The following GTF2E1 variants were observed in gnomAD, a reference collection of about 807,000 sequenced individuals.
GTF2E1 encodes TFIIE alpha subunit.
In GTF2E1, 14 loss-of-function variants were observed where a neutral mutation model predicts 34.9. The ratio of observed to expected loss-of-function variants is 0.40; its 90% CI spans 0.27 to 0.63. GTF2E1 has a LOEUF of 0.63. Ranked by LOEUF, GTF2E1 falls within the 20% of genes least tolerant of loss-of-function variation. The probability of loss-of-function intolerance (pLI) is 0.39; values close to 1 mark genes in which losing one functional copy is unlikely to be tolerated. For synonymous variants in GTF2E1, 188 were observed against 192.9 expected (o/e 0.97, Z 0.21); for missense variants, 469 against 557.7 (o/e 0.84, Z 1.60).
At chr3:120,770,131 A>T (rs1709339924) in intron 2 of GTF2E1, among the ~76,000 whole-genome samples, 1 of 152,200 alleles carries the variant, frequency 6.6e-6, no homozygotes, top group African/African-American at 2.4e-5. Context: ...GAAAGGAAGG[A>T]TGCATATTCC....
intron 3 of GTF2E1, among the ~76,000 whole-genome samples, chr3:120,773,735 AAAT>A (rs1479062563): frequency 6.6e-6 from 1 of 152,156 alleles, no homozygotes; most frequent in Admixed American, 6.6e-5. Flanking sequence ...AAAATTTATT[AAAT>A]AATATAAAAA....
chr3:120,758,196 A>G (rs923508406), intron 2 of GTF2E1, among the ~76,000 whole-genome samples: 3 of 152,150 alleles, frequency 2.0e-5, no homozygotes, highest in African/African-American at 7.2e-5. Context: ...AAACTTGGTA[A>G]AGACACAAAT....
chr3:120,777,691 A>G (rs1452556161), intron 4 of GTF2E1, among the ~76,000 whole-genome samples: 1 of 152,198 alleles, frequency 6.6e-6, no homozygotes, highest in Non-Finnish European at 1.5e-5. Context: ...TTCCAAGGCA[A>G]CCATACTTTA....
At chr3:120,744,459 T>G (rs1164984161) in intron 1 of GTF2E1, among the ~76,000 whole-genome samples, 1 of 152,208 alleles carries the variant, frequency 6.6e-6, no homozygotes, top group Non-Finnish European at 1.5e-5. Context: ...CAGAGGAATA[T>G]CCTATGGTAT....
At chr3:120,768,688 G>A (rs892827292) in intron 2 of GTF2E1, among the ~76,000 whole-genome samples, 3 of 152,114 alleles carry the variant, frequency 2.0e-5, no homozygotes, top group Non-Finnish European at 4.4e-5. Flanking sequence ...GTATTCGAGA[G>A]CTATATTCAA....
At chr3:120,769,936 T>A (rs572159148) in intron 2 of GTF2E1, among the ~76,000 whole-genome samples, 1 of 152,304 alleles carries the variant, frequency 6.6e-6, no homozygotes, top group Non-Finnish European at 1.5e-5. Context: ...GTAAAGAAAA[T>A]TATTATACTG....
intron 2 of GTF2E1, among the ~76,000 whole-genome samples, chr3:120,770,091 C>G (rs981952433): frequency 6.6e-6 from 1 of 152,014 alleles, no homozygotes; most frequent in Admixed American, 6.6e-5. Context: ...CTTACATGTT[C>G]CCTTTTAATC....
rs910407898 is a variant in GTF2E1 at position 120,742,808 on chromosome 3, C to T, written c.-31+14C>T. ...GGATTCGCCTTGGTAAACCTTGTTC[C>T]CTGTTCCTTGTTCGGAGTTCCCTGG... On this transcript the variant is annotated intron_variant, in intron 1 of 4. Coordinates refer to ENST00000283875, the MANE Select transcript of GTF2E1 (RefSeq NM_005513.3). 8.9e-6 allele frequency: 4 copies of T among 448,036 alleles called. No individual in the cohort carries two copies. The highest frequency in any genetic ancestry group is 7.0e-5 in the South Asian group (3 of 43,018). 27.8% of individuals were successfully genotyped at this position (448,036 alleles called of 1,614,324 possible). A position where few individuals can be genotyped will look rare whatever the true frequency, so the allele number is the denominator to read the frequency against.
intron 4 of GTF2E1, among the ~76,000 whole-genome samples, chr3:120,778,894 A>G (rs1367977002): frequency 6.6e-6 from 1 of 152,190 alleles, no homozygotes; most frequent in East Asian, 1.9e-4. Flanking sequence ...TGAAATAGAA[A>G]TAGATCTGCT....
chr3:120,750,684 A>G lies in GTF2E1; in HGVS notation c.132A>G (p.Lys44=), dbSNP rs1425343593. Residue 44 remains lysine, a synonymous_variant, in exon 2 of 5, where the codon AAA becomes AAG. Coordinates refer to ENST00000283875, the MANE Select transcript of GTF2E1 (RefSeq NM_005513.3). ...LDILIRNSCV[K]EEDMLELLKF... is the part of the protein sequence containing the mutation. ...TCTTGATCAGGAACTCCTGTGTGAA[A>G]GAGGAGGATATGCTGGAGCTGCTCA... 1.2e-6 allele frequency: 2 copies of G among 1,614,070 alleles called. No individual in the cohort carries two copies. The highest frequency in any genetic ancestry group is 1.7e-5 in the Admixed American group (1 of 59,998).
chr3:120,757,512 T>C (rs1246130803), intron 2 of GTF2E1, among the ~76,000 whole-genome samples: 1 of 152,234 alleles, frequency 6.6e-6, no homozygotes, highest in Non-Finnish European at 1.5e-5. Flanking sequence ...CTTTTTATTA[T>C]AGGTAAAATA....
chr3:120,771,872 C>T (rs1294626079), intron 3 of GTF2E1, among the ~76,000 whole-genome samples: 1 of 152,154 alleles, frequency 6.6e-6, no homozygotes, highest in Non-Finnish European at 1.5e-5. Context: ...GAATATCCAG[C>T]TCTAGTTGGA....
chr3:120,752,680 C>T (rs1435716118), intron 2 of GTF2E1, among the ~76,000 whole-genome samples: 2 of 152,130 alleles, frequency 1.3e-5, no homozygotes, highest in African/African-American at 2.4e-5. Context: ...AACATTCCAT[C>T]CAGTACAGTC....
chr3:120,751,482 A>G (rs1282533850), intron 2 of GTF2E1, among the ~76,000 whole-genome samples: 1 of 152,226 alleles, frequency 6.6e-6, no homozygotes, highest in Non-Finnish European at 1.5e-5. Flanking sequence ...AGTTAGCTAG[A>G]TGAAATAAGA....
In GTF2E1 at chr3:120,750,859, G is replaced by A; in HGVS notation, c.307G>A (p.Val103Ile). Residue 103 changes from valine (V) to isoleucine (I), a missense_variant, in exon 2 of 5, where the codon GTA becomes ATA. By Grantham distance (29) the Val-to-Ile change is conservative. Transcript: ENST00000283875. ...CAATTATCGTACTCTTGTTAATGTG[G>A]TAAAATATAAACTGGACCACATGAG... Reference protein sequence around the residue: ...FINYRTLVNVVKYKLDHMRRR... With the variant: ...FINYRTLVNVIKYKLDHMRRR... 1 of 1,613,956 alleles carries A rather than the reference G, an allele frequency of 6.2e-7. No individual in the cohort carries two copies. Among genetic ancestry groups the A allele is most frequent in the Non-Finnish European group, 8.5e-7 (1 of 1,179,886 alleles).
intron 2 of GTF2E1, among the ~76,000 whole-genome samples, chr3:120,763,841 C>T (rs1365130231): frequency 6.6e-6 from 1 of 152,112 alleles, no homozygotes; most frequent in Non-Finnish European, 1.5e-5. Context: ...CAGAGCATGC[C>T]ACTCTTCTGT....
chr3:120,751,378 A>T (rs1559829872), intron 2 of GTF2E1, among the ~76,000 whole-genome samples: 3 of 152,192 alleles, frequency 2.0e-5, no homozygotes, highest in Non-Finnish European at 4.4e-5. Context: ...TGGAAGTAGA[A>T]AGTGGTATCA....
In GTF2E1 at chr3:120,766,674, C is replaced by A. The variant is rs189806095; in HGVS notation, c.449-4054C>A. Reference sequence around the variant, plus strand: ...TTTCCTAGTGTCCTCAGCTAGAAGTCACATTCCTTCTTTGAACTCCAAAAC... The same window carrying A: ...TTTCCTAGTGTCCTCAGCTAGAAGTAACATTCCTTCTTTGAACTCCAAAAC... On this transcript the variant is annotated intron_variant, in intron 2 of 4. Transcript: ENST00000283875. Among the ~76,000 whole-genome samples, 729 of 152,140 alleles carry A rather than the reference C, an allele frequency of 4.8e-3. 5 individuals are homozygous for A. The highest frequency in any genetic ancestry group is 0.016 in the African/African-American group (683 of 41,494).
rs756397594 is a variant in GTF2E1, at chr3:120,776,528, G to A, written c.756G>A (p.Gln252=). Residue 252 remains glutamine (Q), a synonymous_variant, in exon 4 of 5, where the codon CAG becomes CAA. Coordinates refer to ENST00000283875, the MANE Select transcript of GTF2E1 (RefSeq NM_005513.3). Reference sequence around the variant, plus strand: ...CTTCCTATGAAGACTTATACACTCAGAATGTTGTCATTAACATGGATGACC... The same window carrying A: ...CTTCCTATGAAGACTTATACACTCAAAATGTTGTCATTAACATGGATGACC... ...KGPSYEDLYT[Q]NVVINMDDQE... 6.2e-7 allele frequency: 1 copy of A among 1,614,004 alleles called. No homozygotes were observed. The highest frequency in any genetic ancestry group is 1.1e-5 in the South Asian group (1 of 91,084).
Sources: allele counts gnomAD v4.1 joint callset (sites outside exome capture counted in the v4.1 genomes callset), GRCh38; gene constraint gnomAD v4.1.1; transcripts MANE v1.5; gene names NCBI Gene and HGNC (gene_info 2026-07-23, HGNC 2026-07-21).